Variants in PALM2AKAP2 observed in about 807,000 individuals in gnomAD.
PALM2AKAP2 encodes PALM2-AKAP2 fusion protein.
In PALM2AKAP2, 37 loss-of-function variants were observed where a neutral mutation model predicts 71.5. The observed-to-expected ratio is 0.52, with a 90% CI of 0.40 to 0.68. PALM2AKAP2 has a LOEUF of 0.68. Among genes scored for constraint, PALM2AKAP2 ranks in the 30% least tolerant of loss-of-function variants. PALM2AKAP2 has a pLI of 0.00. For missense variants in PALM2AKAP2, 1,224 were observed against 1,191.8 expected, an observed-to-expected ratio of 1.03 and a Z score of -0.40; for synonymous variants, 468 against 478.8, an observed-to-expected ratio of 0.98 and a Z score of 0.29.
At chr9:109,886,489 C>G (rs1310109214) in intron 3 of PALM2AKAP2, among the ~76,000 whole-genome samples, 1 of 152,154 alleles carries the variant, frequency 6.6e-6, no homozygotes, top group Admixed American at 6.6e-5. Context: ...ATTTATCTCC[C>G]AACCTTATCA....
At chr9:109,758,662 T>C (rs936740234) in intron 1 of PALM2AKAP2, among the ~76,000 whole-genome samples, 2 of 152,004 alleles carry the variant, frequency 1.3e-5, no homozygotes, top group African/African-American at 4.8e-5. Context: ...GAAGTGGTAG[T>C]TTATTTCTAT....
At chr9:110,078,648 A>G (rs527900440) in intron 1 of PALM2AKAP2, among the ~76,000 whole-genome samples, 28 of 152,222 alleles carry the variant, frequency 1.8e-4, no homozygotes, top group South Asian at 4.1e-4. Context: ...GGTAATTTCC[A>G]ATAAAAACTC....
chr9:109,994,264 C>T (rs953262574), intron 6 of PALM2AKAP2, among the ~76,000 whole-genome samples: 2 of 152,258 alleles, frequency 1.3e-5, no homozygotes, highest in South Asian at 2.1e-4. Flanking sequence ...CACATGACGG[C>T]AGAGGAAGAC....
chr9:109,750,380 T>A (rs761311117), intron 1 of PALM2AKAP2, among the ~76,000 whole-genome samples: 2 of 152,110 alleles, frequency 1.3e-5, no homozygotes, highest in Non-Finnish European at 2.9e-5. Context: ...ATAAAATATA[T>A]ACAATTGCAA....
chr9:109,643,632 T>C (rs1827106263), intron 1 of PALM2AKAP2, among the ~76,000 whole-genome samples: 1 of 152,154 alleles, frequency 6.6e-6, no homozygotes, highest in South Asian at 2.1e-4. Context: ...AGGATCCAAA[T>C]TACTGCCTCA....
intron 1 of PALM2AKAP2, chr9:109,862,946 CA>C (rs748968751): frequency 3.9e-6 from 2 of 513,090 alleles, no homozygotes; most frequent in South Asian, 2.9e-5. Flanking sequence ...GGTAGGGGGC[CA>C]TGGCTTGAGA....
intron 2 of PALM2AKAP2, among the ~76,000 whole-genome samples, chr9:109,872,286 T>A (rs1166420957): frequency 4.6e-5 from 7 of 152,204 alleles, no homozygotes; most frequent in South Asian, 2.1e-4. Context: ...ATGGATTTTT[T>A]TAAAATAAAT....
At position 109,911,201 on chromosome 9, in the gene PALM2AKAP2, G is replaced by A. The variant is rs1487221807; in HGVS notation, c.258-12534G>A. Among the ~76,000 whole-genome samples the A allele has an allele frequency of 1.3e-5, 2 of 151,902 alleles. 1 individual carries two copies. Among genetic ancestry groups the A allele is most frequent in the South Asian group, 4.2e-4 (2 of 4,808 alleles). On this transcript the variant is annotated intron_variant, in intron 3 of 9. Coordinates refer to the PALM2AKAP2 transcript ENST00000302798. ...GACATTTTTAGGGGGAAAAGGAGGG[G>A]GTTTAAGCTATTGAGAAAAGTACTG...
chr9:109,791,634 G>A (rs1348958160), intron 1 of PALM2AKAP2, among the ~76,000 whole-genome samples: 1 of 152,184 alleles, frequency 6.6e-6, no homozygotes, highest in Non-Finnish European at 1.5e-5. Context: ...CAGCCACCCT[G>A]CTGAATGCCT....
chr9:109,767,623 C>G lies in PALM2AKAP2; in HGVS notation c.6-12865C>G, dbSNP rs1403473750. On this transcript the variant is annotated intron_variant, in intron 1 of 6. Transcript: ENST00000374531. Reference sequence around the variant, plus strand: ...TGGTGGGGCCACCCTCTGGCCTCCTCTCCCTGAACCCCTCCCCTCGCTCCC... The same window carrying G: ...TGGTGGGGCCACCCTCTGGCCTCCTGTCCCTGAACCCCTCCCCTCGCTCCC... 2.0e-5 allele frequency among the ~76,000 whole-genome samples: 3 copies of G among 152,242 alleles called. No homozygotes were observed. The East Asian group carries it at 5.8e-4, about 29-fold the overall frequency.
Position 109,721,636 on chromosome 9 carries a change from C to G in PALM2AKAP2, c.6-58852C>G, listed in dbSNP as rs145703763. 1.3e-3 allele frequency among the ~76,000 whole-genome samples: 202 copies of G among 152,320 alleles called. 1 individual carries two copies. The highest frequency in any genetic ancestry group is 4.6e-3 in the African/African-American group (191 of 41,568). On this transcript the variant is annotated intron_variant, in intron 1 of 6. Coordinates refer to the PALM2AKAP2 transcript ENST00000374531. Reference sequence around the variant, plus strand: ...TAGAACTTTCTGTTTCTATCAATATCTATCCAAGGATGTCTCTAATCTCCC... The same window carrying G: ...TAGAACTTTCTGTTTCTATCAATATGTATCCAAGGATGTCTCTAATCTCCC...
chr9:110,141,733 T>C (rs2119134406), intron 2 of PALM2AKAP2, among the ~76,000 whole-genome samples: 1 of 152,340 alleles, frequency 6.6e-6, no homozygotes, highest in South Asian at 2.1e-4. Flanking sequence ...GTGACTCAGA[T>C]TGATGATTGG....
intron 6 of PALM2AKAP2, among the ~76,000 whole-genome samples, chr9:109,950,022 T>C (rs905232221): frequency 1.3e-5 from 2 of 152,188 alleles, no homozygotes; most frequent in Non-Finnish European, 2.9e-5. Flanking sequence ...AGGTGGCTTA[T>C]GCCTGTAATC....
At chr9:109,977,463 C>T (rs151100531) in intron 6 of PALM2AKAP2, among the ~76,000 whole-genome samples, 22 of 152,328 alleles carry the variant, frequency 1.4e-4, no homozygotes, top group African/African-American at 4.8e-4. Context: ...CCCACCACTT[C>T]TGCTCTGAGC....
intron 2 of PALM2AKAP2, among the ~76,000 whole-genome samples, chr9:110,139,832 C>T (rs772773805): frequency 1.3e-5 from 2 of 152,142 alleles, no homozygotes; most frequent in Non-Finnish European, 2.9e-5. Flanking sequence ...TAGACTGCTC[C>T]CTAATGTGGG....
At chr9:109,689,081 A>G (rs1487423631) in intron 1 of PALM2AKAP2, among the ~76,000 whole-genome samples, 1 of 152,076 alleles carries the variant, frequency 6.6e-6, no homozygotes. Flanking sequence ...TTCCCATAAG[A>G]GGGCTAGTGG....
At chr9:110,019,251 A>G (rs1588061755) in intron 7 of PALM2AKAP2, among the ~76,000 whole-genome samples, 2 of 151,612 alleles carry the variant, frequency 1.3e-5, no homozygotes, top group African/African-American at 4.8e-5. Flanking sequence ...AAAAAAAAAA[A>G]AAAAAAAAAG....
chr9:109,948,420 A>G (rs1831561655), intron 6 of PALM2AKAP2, among the ~76,000 whole-genome samples: 1 of 152,230 alleles, frequency 6.6e-6, no homozygotes, highest in East Asian at 1.9e-4. Context: ...TGATTTCAAT[A>G]TGAAAATATA....
chr9:110,028,986 C>A (rs1246941947), intron 7 of PALM2AKAP2, among the ~76,000 whole-genome samples: 4 of 149,210 alleles, frequency 2.7e-5, no homozygotes, highest in Non-Finnish European at 4.5e-5. Context: ...TTAAACATGA[C>A]AATGTATTTT....
Sources: allele counts gnomAD v4.1 joint callset (sites outside exome capture counted in the v4.1 genomes callset), GRCh38; gene constraint gnomAD v4.1.1; transcripts MANE v1.5; gene names NCBI Gene and HGNC (gene_info 2026-07-23, HGNC 2026-07-21).